The following ATR variants were observed in gnomAD, a reference collection of about 807,000 sequenced individuals.
ATR encodes ATR checkpoint kinase.
ATR carries 142 observed loss-of-function variants against 305.3 expected under a neutral mutation model. The ratio of observed to expected loss-of-function variants is 0.47; its 90% confidence interval spans 0.41 to 0.53. The LOEUF is 0.53. ATR is among the 20% of genes least tolerant of loss of function. ATR has a pLI of 0.00. For synonymous variants in ATR, 1,050 were observed against 1,068.1 expected (o/e 0.98, Z 0.33); for missense variants, 2,135 against 3,133.1 (o/e 0.68, Z 7.60).
At chr3:142,530,970 T>C (rs1185710541) in intron 21 of ATR, among the ~76,000 whole-genome samples, 1 of 152,168 alleles carries the variant, frequency 6.6e-6, no homozygotes, top group African/African-American at 2.4e-5. Flanking sequence ...CTATTCTTCA[T>C]TTTCTTCTTT....
intron 21 of ATR, among the ~76,000 whole-genome samples, chr3:142,533,811 A>G (rs1479378488): frequency 6.6e-6 from 1 of 152,182 alleles, no homozygotes; most frequent in Admixed American, 6.6e-5. Flanking sequence ...TTCCCTTCTT[A>G]TTCTGTCTAG....
At chr3:142,485,836 T>C (rs991464714) in intron 35 of ATR, among the ~76,000 whole-genome samples, 1 of 152,270 alleles carries the variant, frequency 6.6e-6, no homozygotes, top group Non-Finnish European at 1.5e-5. Context: ...AAAAGGATTC[T>C]CTACCTCACA....
chr3:142,529,827 G>GA (rs1227330035), intron 21 of ATR, among the ~76,000 whole-genome samples: 1 of 150,964 alleles, frequency 6.6e-6, no homozygotes. Flanking sequence ...GTAATTTTTT[G>GA]AAAAAAAATT....
chr3:142,482,452 G>T (rs2030575698), intron 36 of ATR, among the ~76,000 whole-genome samples: 1 of 152,148 alleles, frequency 6.6e-6, no homozygotes, highest in Non-Finnish European at 1.5e-5. Context: ...TGTTTTAAAA[G>T]AAATGTGTTA....
At chr3:142,490,855 CTT>C (rs2031237067) in intron 35 of ATR, among the ~76,000 whole-genome samples, 1 of 152,040 alleles carries the variant, frequency 6.6e-6, no homozygotes, top group African/African-American at 2.4e-5. Flanking sequence ...AGTTTATAAT[CTT>C]TTGAATTTTC....
At chr3:142,541,765 T>TTGG (rs2034059555) in intron 17 of ATR, among the ~76,000 whole-genome samples, 1 of 152,122 alleles carries the variant, frequency 6.6e-6, no homozygotes, top group Non-Finnish European at 1.5e-5. Context: ...GTAGATGGAA[T>TTGG]AGTAGTTGGT....
intron 36 of ATR, among the ~76,000 whole-genome samples, chr3:142,475,797 G>T (rs2071425459): frequency 6.6e-6 from 1 of 152,106 alleles, no homozygotes; most frequent in African/African-American, 2.4e-5. Flanking sequence ...ATTCTAACTG[G>T]TGTGAGATGG....
In ATR at chr3:142,562,778, A is replaced by T. The variant is rs866939836; in HGVS notation, c.624T>A (p.Thr208=). 2.6e-5 allele frequency: 42 copies of T among 1,608,800 alleles called. No individual in the cohort carries two copies. The Middle Eastern group carries it at 6.8e-3, about 261-fold the overall frequency. ...TAATACGAGTAAGAACCATTAATAA[A>T]GTGACTTCAATAAATTCTAAATTTT... ...SMQNLEFIEV[T]LLMVLTRIIA... is the part of the protein sequence containing the mutation. The change falls in exon 4 of 47, where the codon ACT becomes ACA. Residue 208 remains threonine, a synonymous_variant. Transcript: ENST00000350721.
Position 142,562,628 on chromosome 3 carries a change from A to G in ATR, c.774T>C (p.Leu258=). Residue 258 remains leucine, a synonymous_variant, in exon 4 of 47, where the codon CTT becomes CTC. Coordinates refer to ENST00000350721, the MANE Select transcript of ATR (RefSeq NM_001184.4). ...TAGCTGGTTGTGCTGGTAGTCCTCC[A>G]AGCTGAAAAAGTTCTGTTAAAAAGC... ...AISFLTELFQ[L]GGLPAQPAST... 1 of 1,614,140 alleles carries G rather than the reference A, an allele frequency of 6.2e-7. No homozygotes were observed. The highest frequency in any genetic ancestry group is 8.5e-7 in the Non-Finnish European group (1 of 1,179,998).
At chr3:142,496,607 T>C in intron 33 of ATR, 87 bp from the exon 34 acceptor site, 1 of 1,439,788 alleles carries the variant, frequency 6.9e-7, no homozygotes, top group South Asian at 1.2e-5. Flanking sequence ...ATCTAGGTCA[T>C]AAACTTTGCA....
At chr3:142,519,846 C>T in intron 23 of ATR, 62 bp from the exon 24 acceptor site, 1 of 1,145,376 alleles carries the variant, frequency 8.7e-7, no homozygotes, top group Non-Finnish European at 1.3e-6. Flanking sequence ...TTATATTCGT[C>T]AATGTTCTAC....
At chr3:142,519,865 G>T in intron 23 of ATR, 81 bp from the exon 24 acceptor site, 1 of 1,060,102 alleles carries the variant, frequency 9.4e-7, no homozygotes, top group Non-Finnish European at 1.5e-6. Flanking sequence ...ACATATCTTA[G>T]TTATAAAAAT....
Position 142,498,769 on chromosome 3 carries a change from T to G in ATR, c.5386A>C (p.Lys1796Gln), listed in dbSNP as rs193124641. 12 of 1,614,060 alleles carry G rather than the reference T, an allele frequency of 7.4e-6. No homozygotes were observed. In the East Asian group the frequency reaches 2.7e-4, roughly 36 times the overall value. Residue 1796 changes from lysine (K) to glutamine (Q), a missense_variant, in exon 32 of 47, where the codon AAA becomes CAA. Physicochemically the swap from Lys to Gln is moderately conservative, Grantham distance 53. This residue lies in a region of ATR where 117 missense variants were observed against 198.3 expected (regional missense o/e 0.59). Coordinates refer to ENST00000350721, the MANE Select transcript of ATR (RefSeq NM_001184.4). Reference sequence around the variant, plus strand: ...AGTCTGACACTCCATGTTGTAGATTTTCCATCTGAAAAACAAATGAAGAGT... The same window carrying G: ...AGTCTGACACTCCATGTTGTAGATTGTCCATCTGAAAAACAAATGAAGAGT... ...LVENYLAADG[K>Q]STTWSVRLGQ...
rs947466947 is a variant in ATR, at chr3:142,459,012, A to T, written c.7449T>A (p.Phe2483Leu). 7 of 1,613,898 alleles carry T rather than the reference A, an allele frequency of 4.3e-6. No individual in the cohort carries two copies. ...GTACGCATTCACCAGTCAAAGAATCAAAGAGAATATTTTCACCATGACGGT... is the reference window on the plus strand; with the variant it reads ...GTACGCATTCACCAGTCAAAGAATCTAAGAGAATATTTTCACCATGACGGT... The part of the protein sequence containing the change: ...LGDRHGENIL[F>L]DSLTGECVHV... The change falls in exon 44 of 47, where the codon TTT becomes TTA. Residue 2483 changes from phenylalanine (F) to leucine (L), a missense_variant. By Grantham distance (22) the Phe-to-Leu change is conservative (BLOSUM62 0). Around this residue, in one of 9 missense-constraint regions of ATR, gnomAD observed 462 missense variants for 887.6 expected, o/e 0.52. Coordinates refer to ENST00000350721, the MANE Select transcript of ATR (RefSeq NM_001184.4).
At position 142,450,398 on chromosome 3, in the gene ATR, T is replaced by TGCTGTCTTCTTTCACTTGTG. The variant is rs1273276478; in HGVS notation, c.7762-816_7762-797dup. The TGCTGTCTTCTTTCACTTGTG allele has an allele frequency of 2.8e-4, 438 of 1,559,624 alleles. 1 individual carries two copies. The highest frequency in any genetic ancestry group is 2.8e-3 in the South Asian group (248 of 88,982). On this transcript the variant is annotated intron_variant, in intron 46 of 46. Transcript: ENST00000350721. ...TGCCAGACCTTTATCAAAATGGGGC[T>TGCTGTCTTCTTTCACTTGTG]GCTGTCTTCTTTCACTTGTGACAAG... is the stretch of plus-strand genomic sequence containing the variant.
At chr3:142,520,235 C>A (rs75294757) in intron 23 of ATR, among the ~76,000 whole-genome samples, 71 of 152,294 alleles carry the variant, frequency 4.7e-4, no homozygotes, top group African/African-American at 1.5e-3. Context: ...ATCCCCCTCA[C>A]TCTCTTTGGG....
In ATR at chr3:142,556,388, A is replaced by C. The variant is rs773660116; in HGVS notation, c.2073T>G (p.Ile691Met). The C allele has an allele frequency of 1.2e-6, 2 of 1,613,104 alleles. No individual in the cohort carries two copies. Among genetic ancestry groups the C allele is most frequent in the South Asian group, 2.2e-5 (2 of 91,066 alleles). ...QQNSCNRVPK[I>M]LIDKVKDDSD... ...ATTAAAATCTTAGTACATACATAAGAATCTTGGGAACTCTGTTACAAGAAT... is the reference window on the plus strand; with the variant it reads ...ATTAAAATCTTAGTACATACATAAGCATCTTGGGAACTCTGTTACAAGAAT... The change falls in exon 9 of 47, where the codon ATT becomes ATG. Residue 691 changes from isoleucine to methionine, a missense_variant. Around this residue, in one of 9 missense-constraint regions of ATR, gnomAD observed 744 missense variants for 873.2 expected, o/e 0.85. Coordinates refer to ENST00000350721, the MANE Select transcript of ATR (RefSeq NM_001184.4).
intron 46 of ATR, chr3:142,450,380 C>A (rs1421745659): frequency 6.6e-7 from 1 of 1,521,434 alleles, no homozygotes; most frequent in African/African-American, 1.4e-5. Context: ...CTTTGCCAGA[C>A]CTTTATCAAA....
chr3:142,556,171 T>C (rs775065257), intron 9 of ATR, 32 bp from the exon 10 acceptor site: 1 of 1,610,412 alleles, frequency 6.2e-7, no homozygotes, highest in South Asian at 1.1e-5. Flanking sequence ...TACTAAACTT[T>C]CTTGCCTAAT....
Sources: gnomAD v4.1 joint callset for allele counts (sites outside exome capture counted in the v4.1 genomes callset) on GRCh38, gnomAD v4.1.1 for gene constraint, gnomAD v4.1.1 regional missense constraint, MANE v1.5 for transcripts, NCBI Gene and HGNC (gene_info 2026-07-23, HGNC 2026-07-21) for gene names.